SINHCAF: variants seen among roughly 807,000 people sequenced by gnomAD.
SINHCAF encodes the protein SIN3-HDAC complex associated factor.
Under a neutral mutation model 25.8 loss-of-function variants are expected in SINHCAF, and 3 were observed. That is an observed-to-expected ratio of 0.12 (90% CI 0.05 to 0.30). The LOEUF (loss-of-function observed/expected upper bound fraction) is 0.30, where lower values mean the gene tolerates loss of function less well. Ranked by LOEUF, SINHCAF falls within the 10% of genes least tolerant of loss-of-function variation. The probability of loss-of-function intolerance (pLI) is 1.00; values close to 1 mark genes in which losing one functional copy is unlikely to be tolerated. For synonymous variants in SINHCAF, 70 were observed against 85.5 expected (o/e 0.82, Z 1.00); for missense variants, 121 against 262.3 (o/e 0.46, Z 3.72).
intron 5 of SINHCAF, among the ~76,000 whole-genome samples, chr12:31,283,884 A>ACACG (rs912553835): frequency 1.3e-5 from 2 of 151,420 alleles, no homozygotes; most frequent in African/African-American, 4.9e-5. Context: ...ACACACACAC[A>ACACG]CACACACAGA....
chr12:31,307,794 T>C (rs926389725), intron 1 of SINHCAF, among the ~76,000 whole-genome samples: 3 of 152,178 alleles, frequency 2.0e-5, no homozygotes, highest in African/African-American at 4.8e-5. Flanking sequence ...ATTGCCCTCA[T>C]ACAAGGGGGC....
At chr12:31,312,663 G>A (rs1939318655) in intron 1 of SINHCAF, among the ~76,000 whole-genome samples, 1 of 152,090 alleles carries the variant, frequency 6.6e-6, no homozygotes. Context: ...TTATCTTCTG[G>A]ATACAAGACC....
intron 1 of SINHCAF, among the ~76,000 whole-genome samples, chr12:31,299,039 TAA>T (rs61329052): frequency 3.5e-5 from 5 of 141,740 alleles, no homozygotes; most frequent in African/African-American, 7.7e-5. Context: ...GTCCTCCTGT[TAA>T]AAAAAAAAAA....
chr12:31,312,840 C>A lies in SINHCAF; in HGVS notation c.-21+13184G>T, dbSNP rs1348169598. On this transcript the variant is annotated intron_variant, in intron 1 of 5. Coordinates refer to ENST00000337682, the MANE Select transcript of SINHCAF (RefSeq NM_001135812.2). ...TGATTAAGAAATCTTTGCTTTCCTC[C>A]AGGTCGGGAAAATAATCTCCATTAT... 2.6e-5 allele frequency among the ~76,000 whole-genome samples: 4 copies of A among 152,238 alleles called. No homozygotes were observed. In the East Asian group the frequency reaches 5.8e-4, roughly 22 times the overall value.
At position 31,324,683 on chromosome 12, in the gene SINHCAF, C is replaced by A. The variant is rs1476171723; in HGVS notation, c.-21+1341G>T. On this transcript the variant is annotated intron_variant, in intron 1 of 5. Transcript: ENST00000337682. The surrounding 1 kb of genome is among the most constrained non-coding windows in gnomAD (Gnocchi z 5.5). ...TTTCTGTCCAGCCGGGCGCTGCCTA[C>A]GTGCAGCATCAGGGATGTCGGAGCG... 3.1e-6 allele frequency: 1 copy of A among 325,066 alleles called. No individual in the cohort carries two copies. Among genetic ancestry groups the A allele is most frequent in the Non-Finnish European group, 6.1e-6 (1 of 164,756 alleles). 20.1% of individuals were successfully genotyped at this position (325,066 alleles called of 1,614,324 possible).
intron 4 of SINHCAF, among the ~76,000 whole-genome samples, chr12:31,291,909 A>G (rs754407309): frequency 1.1e-4 from 16 of 152,252 alleles, no homozygotes; most frequent in Non-Finnish European, 2.4e-4. Flanking sequence ...CAACTGCTTC[A>G]ATGCACAAAG....
chr12:31,311,562 G>C, intron 1 of SINHCAF: 1 of 288,808 alleles, frequency 3.5e-6, no homozygotes, highest in South Asian at 3.8e-5. Context: ...CACTGGGACC[G>C]AGCATGAGCA....
Position 31,324,017 on chromosome 12 carries a change from T to C in SINHCAF, c.-21+2007A>G, listed in dbSNP as rs1254996948. 6.6e-6 allele frequency: 3 copies of C among 455,500 alleles called. No homozygotes were observed. Among genetic ancestry groups the C allele is most frequent in the African/African-American group, 4.0e-5 (2 of 50,068 alleles). 28.2% of individuals were successfully genotyped at this position (455,500 alleles called of 1,614,324 possible). ...GAGACGCCGAGCCAGCAAGTAAGAA[T>C]GCTCCCTGGTGGATTTGTTGGTAAA... is the stretch of plus-strand genomic sequence containing the variant. On this transcript the variant is annotated intron_variant, in intron 1 of 5. Coordinates refer to ENST00000337682, the MANE Select transcript of SINHCAF (RefSeq NM_001135812.2). The surrounding 1 kb of genome is among the most constrained non-coding windows in gnomAD (Gnocchi z 5.5).
intron 1 of SINHCAF, among the ~76,000 whole-genome samples, chr12:31,302,468 C>T (rs1299178384): frequency 6.7e-6 from 1 of 148,770 alleles, no homozygotes; most frequent in African/African-American, 2.5e-5. Flanking sequence ...ATCTCGGATG[C>T]CAGTCTCATA....
chr12:31,325,952 G>C lies in SINHCAF; in HGVS notation c.-21+72C>G, dbSNP rs1159767724. Reference sequence around the variant, plus strand: ...GGGGAGGTGGGTGGAGGTGAAAAGAGAAAAAAAAAAACACTGAAATCAAAG... The same window carrying C: ...GGGGAGGTGGGTGGAGGTGAAAAGACAAAAAAAAAAACACTGAAATCAAAG... On this transcript the variant is annotated intron_variant, in intron 1 of 5. Transcript: ENST00000337682. The surrounding 1 kb of genome is among the most constrained non-coding windows in gnomAD (Gnocchi z 5.9). 7.0e-6 allele frequency: 1 copy of C among 143,336 alleles called. No homozygotes were observed. 8.9% of individuals were successfully genotyped at this position (143,336 alleles called of 1,614,324 possible). A position where few individuals can be genotyped will look rare whatever the true frequency, so the allele number is the denominator to read the frequency against.
At chr12:31,283,784 A>T (rs1294801860) in intron 5 of SINHCAF, among the ~76,000 whole-genome samples, 4 of 142,084 alleles carry the variant, frequency 2.8e-5, no homozygotes, top group African/African-American at 1.1e-4. Flanking sequence ...TAGGTTTATC[A>T]CTCCCTTTTC....
rs543714480 is a variant in SINHCAF, at chr12:31,283,497, G to A, written c.507-626C>T. Among the ~76,000 whole-genome samples, 5 of 152,146 alleles carry A rather than the reference G, an allele frequency of 3.3e-5. No individual in the cohort carries two copies. In the South Asian group the frequency reaches 1.0e-3, roughly 32 times the overall value. On this transcript the variant is annotated intron_variant, in intron 5 of 5. Transcript: ENST00000337682. The stretch of plus-strand genomic sequence containing the variant: ...ACGTGCCTGTAGTCCCAGCTACTTG[G>A]GAGACTGAGGCAGTAGAATCACTTG...
intron 1 of SINHCAF, among the ~76,000 whole-genome samples, chr12:31,298,745 G>C: frequency 6.6e-6 from 1 of 152,080 alleles, no homozygotes; most frequent in East Asian, 1.9e-4. Flanking sequence ...AATTCAGAGG[G>C]GATTTCTTCT....
intron 1 of SINHCAF, among the ~76,000 whole-genome samples, chr12:31,305,495 A>G (rs1938985523): frequency 6.6e-6 from 1 of 152,116 alleles, no homozygotes; most frequent in Non-Finnish European, 1.5e-5. Flanking sequence ...TCAAAGGTTG[A>G]GCAATACCAA....
rs201899222 is a variant in SINHCAF at position 31,287,616 on chromosome 12, A to G, written c.506+18T>C. The stretch of plus-strand genomic sequence containing the variant: ...TTAAGATGGTTTGCTGGTTAGAGAG[A>G]TACTTTGTTTCTTTTACCTTTTCCA... On this transcript the variant is annotated intron_variant, in intron 5 of 5. Coordinates refer to ENST00000337682, the MANE Select transcript of SINHCAF (RefSeq NM_001135812.2). 8.1e-4 allele frequency: 1,276 copies of G among 1,567,042 alleles called. 3 individuals are homozygous for G. Among genetic ancestry groups the G allele is most frequent in the Non-Finnish European group, 1.1e-3 (1,242 of 1,150,680 alleles).
At chr12:31,293,778 G>A (rs759290435) in intron 4 of SINHCAF, 27 bp downstream of exon 4, 22 of 1,582,940 alleles carry the variant, frequency 1.4e-5, no homozygotes, top group Non-Finnish European at 1.9e-5. Context: ...CAATTATTAA[G>A]TACTAATGTT....
chr12:31,297,473 T>G (rs1462776033), intron 2 of SINHCAF, among the ~76,000 whole-genome samples: 3 of 142,456 alleles, frequency 2.1e-5, no homozygotes, highest in Non-Finnish European at 4.6e-5. Flanking sequence ...CGTAATTTTT[T>G]TTTTTTTTTT....
chr12:31,324,163 G>A lies in SINHCAF; in HGVS notation c.-21+1861C>T. 5.6e-6 allele frequency: 2 copies of A among 358,842 alleles called. No homozygotes were observed. The highest frequency in any genetic ancestry group is 5.6e-6 in the Non-Finnish European group (1 of 177,610). 22.2% of individuals were successfully genotyped at this position (358,842 alleles called of 1,614,324 possible). A position where few individuals can be genotyped will look rare whatever the true frequency, so the allele number is the denominator to read the frequency against. ...CCTCCCTCACCTGCGCCGGAACAACGGGCCCCGCGCCAGCCCGGCCCGGCG... is the reference window on the plus strand; with the variant it reads ...CCTCCCTCACCTGCGCCGGAACAACAGGCCCCGCGCCAGCCCGGCCCGGCG... On this transcript the variant is annotated intron_variant, in intron 1 of 5. Coordinates refer to ENST00000337682, the MANE Select transcript of SINHCAF (RefSeq NM_001135812.2). The surrounding 1 kb of genome is among the most constrained non-coding windows in gnomAD (Gnocchi z 5.5).
chr12:31,292,917 T>C (rs1049402514), intron 4 of SINHCAF, among the ~76,000 whole-genome samples: 35 of 152,150 alleles, frequency 2.3e-4, no homozygotes, highest in Non-Finnish European at 1.6e-4. Context: ...TTAAAAGTAC[T>C]GAGAGCTCCA....
Sources: gnomAD v4.1 joint callset for allele counts (sites outside exome capture counted in the v4.1 genomes callset) on GRCh38, gnomAD v4.1.1 for gene constraint, Gnocchi (gnomAD v3.1) non-coding constraint, MANE v1.5 for transcripts, NCBI Gene and HGNC (gene_info 2026-07-23, HGNC 2026-07-21) for gene names.